Variants in ROBO2 observed in about 807,000 individuals in gnomAD.
ROBO2 encodes the protein roundabout guidance receptor 2.
ROBO2 carries 53 observed loss-of-function variants against 160.8 expected under a neutral mutation model. That is an observed-to-expected ratio of 0.33 (90% CI 0.26 to 0.41). The LOEUF (loss-of-function observed/expected upper bound fraction) is 0.41, where lower values mean the gene tolerates loss of function less well. Among genes scored for constraint, ROBO2 ranks in the 10% least tolerant of loss-of-function variants. ROBO2 has a pLI of 1.00. For missense variants in ROBO2, 1,577 were observed against 1,722.4 expected (o/e 0.92, Z 1.49); for synonymous variants, 664 against 611.7 (o/e 1.09, Z -1.26).
intron 2 of ROBO2, among the ~76,000 whole-genome samples, chr3:77,022,274 G>A (rs2062685589): frequency 2.0e-5 from 3 of 152,174 alleles, no homozygotes; most frequent in Admixed American, 2.0e-4. Context: ...GGAGGGTGAG[G>A]TAGGATAATT....
chr3:77,366,385 G>C (rs2070875018), intron 2 of ROBO2, among the ~76,000 whole-genome samples: 1 of 152,026 alleles, frequency 6.6e-6, no homozygotes, highest in African/African-American at 2.4e-5. Flanking sequence ...AGTGCCCTTA[G>C]AAAGGAGGGC....
At chr3:76,902,288 A>G (rs1179046835) in intron 2 of ROBO2, among the ~76,000 whole-genome samples, 1 of 151,978 alleles carries the variant, frequency 6.6e-6, no homozygotes, top group African/African-American at 2.4e-5. Flanking sequence ...AATATATATA[A>G]AGGCTATAAT....
chr3:77,004,736 TA>T (rs2061495985), intron 2 of ROBO2, among the ~76,000 whole-genome samples: 1 of 152,186 alleles, frequency 6.6e-6, no homozygotes, highest in Non-Finnish European at 1.5e-5. Context: ...TTTTCTCAAA[TA>T]TTTTTCAGAC....
chr3:76,097,319 C>G (rs913950360), intron 2 of ROBO2, among the ~76,000 whole-genome samples: 2 of 152,038 alleles, frequency 1.3e-5, no homozygotes, highest in African/African-American at 4.8e-5. Context: ...TAGCCTAGCA[C>G]CTGAACTTGC....
chr3:76,523,033 T>A (rs1483478971), intron 2 of ROBO2, among the ~76,000 whole-genome samples: 2 of 148,266 alleles, frequency 1.3e-5, no homozygotes, highest in African/African-American at 4.9e-5. Context: ...TTTATATATG[T>A]ATATATTATA....
intron 2 of ROBO2, among the ~76,000 whole-genome samples, chr3:77,433,071 A>G (rs1370486711): frequency 6.6e-6 from 1 of 152,062 alleles, no homozygotes; most frequent in Non-Finnish European, 1.5e-5. Flanking sequence ...GATGAAGTCA[A>G]TTGCTTGCTT....
exon 1 of ROBO2, chr3:77,040,063 C>G: frequency 2.5e-6 from 1 of 398,086 alleles, no homozygotes; most frequent in Non-Finnish European, 3.4e-6. Flanking sequence ...TCCCTCCCTC[C>G]CTCCCTCCCT....
chr3:76,060,161 A>G (rs1475737710), intron 2 of ROBO2, among the ~76,000 whole-genome samples: 1 of 152,158 alleles, frequency 6.6e-6, no homozygotes, highest in Non-Finnish European at 1.5e-5. Context: ...ATCACTGACC[A>G]TAACTATAAA....
intron 2 of ROBO2, among the ~76,000 whole-genome samples, chr3:76,842,105 T>C (rs2068334478): frequency 6.6e-6 from 1 of 152,188 alleles, no homozygotes; most frequent in African/African-American, 2.4e-5. Context: ...CGTGTTGTTA[T>C]ATGTGGCTAA....
At chr3:76,390,675 ACTC>A (rs1433759146) in intron 2 of ROBO2, among the ~76,000 whole-genome samples, 1 of 151,774 alleles carries the variant, frequency 6.6e-6, no homozygotes, top group Non-Finnish European at 1.5e-5. Context: ...TTGGCTTTCT[ACTC>A]CTCTGTAGGT....
In ROBO2 at chr3:77,217,128, C is replaced by T. The variant is rs570137180; in HGVS notation, c.388+118788C>T. ...CTTTTTTCTCCTTCCTTCCTTCCTT[C>T]TTCTTTTCTTTTCTTTCCTTTTTTT... On this transcript the variant is annotated intron_variant, in intron 2 of 25. Coordinates refer to ENST00000461745, the Ensembl canonical transcript of ROBO2. Among the ~76,000 whole-genome samples the T allele has an allele frequency of 2.0e-4, 30 of 151,492 alleles. 1 individual carries two copies. Among genetic ancestry groups the T allele is most frequent in the African/African-American group, 6.3e-4 (26 of 41,308 alleles).
At chr3:77,237,278 T>C (rs1387706531) in intron 2 of ROBO2, among the ~76,000 whole-genome samples, 3 of 149,394 alleles carry the variant, frequency 2.0e-5, no homozygotes, top group African/African-American at 7.4e-5. Flanking sequence ...CACAGCTCAC[T>C]GCAGTCTCAA....
intron 2 of ROBO2, among the ~76,000 whole-genome samples, chr3:76,678,699 C>T (rs58719490): frequency 0.52 from 79,471 of 151,818 alleles, 21,323 homozygotes; most frequent in East Asian, 0.76. Context: ...GTGCAGTGCT[C>T]CATTAAAAAA....
At chr3:77,377,528 C>G (rs1032565718) in intron 2 of ROBO2, among the ~76,000 whole-genome samples, 1 of 152,260 alleles carries the variant, frequency 6.6e-6, no homozygotes, top group East Asian at 1.9e-4. Flanking sequence ...TCTATTACAT[C>G]TTGTATACAA....
At chr3:76,088,550 G>A (rs1490328851) in intron 2 of ROBO2, among the ~76,000 whole-genome samples, 1 of 151,962 alleles carries the variant, frequency 6.6e-6, no homozygotes, top group Non-Finnish European at 1.5e-5. Context: ...ACACTAGGTC[G>A]ATAACAGAAA....
At chr3:77,132,037 A>G (rs2075895159) in intron 2 of ROBO2, among the ~76,000 whole-genome samples, 1 of 152,072 alleles carries the variant, frequency 6.6e-6, no homozygotes, top group African/African-American at 2.4e-5. Context: ...ATATGTTTAA[A>G]CTGGATTAAT....
At position 76,511,525 on chromosome 3, in the gene ROBO2, A is replaced by T. The variant is rs1473080629; in HGVS notation, c.109+573923A>T. Among the ~76,000 whole-genome samples, 4 of 152,070 alleles carry T rather than the reference A, an allele frequency of 2.6e-5. No homozygotes were observed. The South Asian group carries it at 6.2e-4, about 24-fold the overall frequency. On this transcript the variant is annotated intron_variant, in intron 2 of 26. Coordinates refer to the ROBO2 transcript ENST00000487694. ...TTATTAATACAACCATGTGACCAGGATATCTTTAGATCAAATAAAGTAAAC... is the reference window on the plus strand; with the variant it reads ...TTATTAATACAACCATGTGACCAGGTTATCTTTAGATCAAATAAAGTAAAC...
intron 2 of ROBO2, among the ~76,000 whole-genome samples, chr3:77,272,146 CT>C (rs2059532225): frequency 6.6e-6 from 1 of 152,152 alleles, no homozygotes; most frequent in Admixed American, 6.5e-5. Context: ...ATTACAGAAA[CT>C]GATATTTTAA....
At chr3:77,303,946 C>G (rs2062876578) in intron 2 of ROBO2, among the ~76,000 whole-genome samples, 2 of 152,030 alleles carry the variant, frequency 1.3e-5, no homozygotes. Context: ...GGCTTCCTTT[C>G]CAAATGAAAT....
Sources: allele counts gnomAD v4.1 joint callset (sites outside exome capture counted in the v4.1 genomes callset), GRCh38; gene constraint gnomAD v4.1.1; transcripts MANE v1.5; gene names NCBI Gene and HGNC (gene_info 2026-07-23, HGNC 2026-07-21).